The following C17orf67 variants were observed in gnomAD, a reference collection of about 807,000 sequenced individuals.
C17orf67 encodes the protein chromosome 17 open reading frame 67.
In C17orf67, 12 loss-of-function variants were observed where a neutral mutation model predicts 11.2. That is an observed-to-expected ratio of 1.07 (90% CI 0.68 to 1.73). The LOEUF (loss-of-function observed/expected upper bound fraction) is 1.73, where lower values mean the gene tolerates loss of function less well. Ranked by LOEUF, C17orf67 falls within the 40% of genes most tolerant of loss-of-function variation. The pLI is 0.00. For synonymous variants in C17orf67, 59 were observed against 46.9 expected (o/e 1.26, Z -1.05); for missense variants, 115 against 113.5 (o/e 1.01, Z -0.06).
At chr17:56,833,569 C>G (rs959589057) in intron 1 of C17orf67, 49 bp downstream of exon 1, 1 of 151,032 alleles carries the variant, frequency 6.6e-6, no homozygotes, top group African/African-American at 2.4e-5. Flanking sequence ...CCCGCCGCTC[C>G]GCAGCGGAGG....
At chr17:56,795,905 C>A (rs1044024775) in intron 6 of C17orf67, among the ~76,000 whole-genome samples, 1 of 152,132 alleles carries the variant, frequency 6.6e-6, no homozygotes, top group Admixed American at 6.5e-5. Context: ...CAAGTAACTA[C>A]ATTTATAGTG....
chr17:56,828,148 G>T (rs1195286388), intron 2 of C17orf67, among the ~76,000 whole-genome samples: 5 of 148,828 alleles, frequency 3.4e-5, no homozygotes. Context: ...GCTCACGCTT[G>T]TAATCCCAGC....
chr17:56,795,136 C>T lies in C17orf67; in HGVS notation c.201G>A (p.Glu67=), dbSNP rs760986759. The T allele has an allele frequency of 1.2e-6, 2 of 1,614,204 alleles. No homozygotes were observed. Among genetic ancestry groups the T allele is most frequent in the South Asian group, 2.2e-5 (2 of 91,088 alleles). Residue 67 remains glutamate (E), a synonymous_variant, in exon 7 of 8, where the codon GAG becomes GAA. Transcript: ENST00000397861. ...GGTTCAGCCAGTGCTCCAGGAACTG[C>T]TCCTCAGCGCGATGCTCCAGGGCGA... ...HLLALEHRAE[E]QFLEHWLNPH...
chr17:56,804,713 C>G (rs1014690510), intron 6 of C17orf67, among the ~76,000 whole-genome samples: 1 of 152,140 alleles, frequency 6.6e-6, no homozygotes, highest in East Asian at 1.9e-4. Flanking sequence ...AAGTGTATTC[C>G]CAGGTTTCAC....
At chr17:56,831,788 G>A (rs1397885355) in intron 2 of C17orf67, among the ~76,000 whole-genome samples, 1 of 152,120 alleles carries the variant, frequency 6.6e-6, no homozygotes, top group East Asian at 1.9e-4. Context: ...ACATACGTAC[G>A]ACTGATGAAG....
At chr17:56,795,954 A>G (rs1471409846) in intron 6 of C17orf67, among the ~76,000 whole-genome samples, 1 of 152,258 alleles carries the variant, frequency 6.6e-6, no homozygotes, top group African/African-American at 2.4e-5. Flanking sequence ...GTGTAACTAA[A>G]TCATGTAATA....
chr17:56,792,637 G>GTGT (rs1905126466), intron 7 of C17orf67, among the ~76,000 whole-genome samples: 1 of 149,284 alleles, frequency 6.7e-6, no homozygotes, highest in Non-Finnish European at 1.5e-5. Context: ...TGATGTGGTG[G>GTGT]TGGTGGTGAT....
intron 7 of C17orf67, 59 bp downstream of exon 7, chr17:56,794,984 TG>T (rs1334694550): frequency 2.3e-5 from 28 of 1,233,344 alleles, no homozygotes; most frequent in Non-Finnish European, 3.2e-5. Flanking sequence ...TCCCAGCCCA[TG>T]CCATGCTGTC....
chr17:56,808,248 C>T (rs376776603), intron 6 of C17orf67, among the ~76,000 whole-genome samples: 3 of 152,180 alleles, frequency 2.0e-5, no homozygotes, highest in Non-Finnish European at 4.4e-5. Flanking sequence ...CTGTATGTAG[C>T]GGACTTGTCC....
rs1227499534 is a variant in C17orf67, at chr17:56,808,628, C to T, written c.156+6241G>A. 2.6e-5 allele frequency among the ~76,000 whole-genome samples: 4 copies of T among 152,306 alleles called. No homozygotes were observed. The South Asian group carries it at 6.2e-4, about 24-fold the overall frequency. Reference sequence around the variant, plus strand: ...TTACCCAGCAATCTTCTCAAAAGCACTTTGTCCTTCCCACCACCAAGTCAG... The same window carrying T: ...TTACCCAGCAATCTTCTCAAAAGCATTTTGTCCTTCCCACCACCAAGTCAG... On this transcript the variant is annotated intron_variant, in intron 6 of 7. Transcript: ENST00000397861.
At chr17:56,792,735 G>A (rs868367290) in intron 7 of C17orf67, among the ~76,000 whole-genome samples, 1,152 of 4,408 alleles carry the variant, frequency 0.26, 30 homozygotes, top group Non-Finnish European at 0.32. Flanking sequence ...TGGTGAGGTG[G>A]TGGTGGTGGT....
At chr17:56,815,269 G>A (rs1409766948) in intron 5 of C17orf67, among the ~76,000 whole-genome samples, 1 of 152,120 alleles carries the variant, frequency 6.6e-6, no homozygotes, top group Non-Finnish European at 1.5e-5. Context: ...TGGTCTGTGT[G>A]TCTTAGGTTT....
chr17:56,800,058 AT>A (rs772880968), intron 6 of C17orf67, among the ~76,000 whole-genome samples: 3,184 of 96,302 alleles, frequency 0.033, 34 homozygotes, highest in African/African-American at 0.12. Context: ...TTGCAAACTA[AT>A]TTTTTTTTTT....
chr17:56,826,301 C>T (rs4793834), intron 2 of C17orf67, among the ~76,000 whole-genome samples: 100,994 of 152,050 alleles, frequency 0.66, 33,799 homozygotes, highest in East Asian at 0.89. Context: ...CAAATCTAAA[C>T]TAATTTAAGC....
intron 6 of C17orf67, among the ~76,000 whole-genome samples, chr17:56,810,984 G>A (rs1049531149): frequency 2.6e-5 from 4 of 152,238 alleles, no homozygotes; most frequent in African/African-American, 9.6e-5. Flanking sequence ...GGTAAGTCGA[G>A]GATGTGGAGT....
Position 56,795,158 on chromosome 17 carries a change from G to A in C17orf67, c.179C>T (p.Ala60Val). 6.2e-7 allele frequency: 1 copy of A among 1,614,148 alleles called. No individual in the cohort carries two copies. The highest frequency in any genetic ancestry group is 8.5e-7 in the Non-Finnish European group (1 of 1,180,016). The change falls in exon 7 of 8, where the codon GCC (alanine) becomes GTC (valine). Residue 60 changes from alanine to valine, a missense_variant. Transcript: ENST00000397861. ...CTGCTCCTCAGCGCGATGCTCCAGG[G>A]CGAGCAGGTGGTGCATGTATTCCTG... ...PMREYMHHLL[A>V]LEHRAEEQFL...
intron 4 of C17orf67, among the ~76,000 whole-genome samples, chr17:56,818,124 G>T (rs1206510013): frequency 2.0e-5 from 3 of 150,460 alleles, no homozygotes; most frequent in Non-Finnish European, 2.9e-5. Context: ...AATTACAGAT[G>T]TGAGCCAACA....
At chr17:56,823,777 T>C (rs1836863976) in intron 4 of C17orf67, among the ~76,000 whole-genome samples, 1 of 152,238 alleles carries the variant, frequency 6.6e-6, no homozygotes, top group South Asian at 2.1e-4. Flanking sequence ...ATAACAGTTT[T>C]ATTCATAGCT....
intron 6 of C17orf67, among the ~76,000 whole-genome samples, chr17:56,810,087 A>G (rs1287478119): frequency 8.0e-6 from 1 of 124,930 alleles, no homozygotes; most frequent in Non-Finnish European, 1.7e-5. Flanking sequence ...ACACACCCTC[A>G]CACACCCCTC....
Sources: gnomAD v4.1 joint callset for allele counts (sites outside exome capture counted in the v4.1 genomes callset) on GRCh38, gnomAD v4.1.1 for gene constraint, MANE v1.5 for transcripts, NCBI Gene and HGNC (gene_info 2026-07-23, HGNC 2026-07-21) for gene names.